The following ARFGEF3 variants were observed in gnomAD, a reference collection of about 807,000 sequenced individuals.
ARFGEF3 encodes the protein ARFGEF family member 3.
ARFGEF3 carries 96 observed loss-of-function variants against 221.7 expected under a neutral mutation model. That is an observed-to-expected ratio of 0.43 (90% CI 0.37 to 0.51). ARFGEF3 has a LOEUF of 0.51. Among genes scored for constraint, ARFGEF3 ranks in the 20% least tolerant of loss-of-function variants. The pLI, the probability that ARFGEF3 is intolerant of heterozygous loss-of-function variation, is 0.00. For missense variants in ARFGEF3, 2,410 were observed against 2,789.9 expected (o/e 0.86, Z 3.07); for synonymous variants, 1,145 against 1,126.8 (o/e 1.02, Z -0.32).
intron 32 of ARFGEF3, among the ~76,000 whole-genome samples, chr6:138,332,409 G>A (rs1159111157): frequency 6.6e-6 from 1 of 152,116 alleles, no homozygotes; most frequent in Non-Finnish European, 1.5e-5. Context: ...ACAAGAAGAT[G>A]AATAAGGTAG....
Position 138,334,708 on chromosome 6 carries a change from C to T in ARFGEF3, c.5862C>T (p.Gly1954=), listed in dbSNP as rs778692995. 29 of 1,610,284 alleles carry T rather than the reference C, an allele frequency of 1.8e-5. No homozygotes were observed. In the South Asian group the frequency reaches 3.0e-4, roughly 16 times the overall value. The part of the protein sequence containing the change: ...QSESSTPSTG[G]FSGKETPSED... The stretch of plus-strand genomic sequence containing the variant: ...AGTCATCCACCCCATCCACCGGGGG[C>T]TTCTCTGGGAAAGAAACCCCTTCCG... The change falls in exon 33 of 34, where the codon GGC becomes GGT. Residue 1954 remains glycine (G), a synonymous_variant. Coordinates refer to ENST00000251691, the MANE Select transcript of ARFGEF3 (RefSeq NM_020340.5). The surrounding 1 kb of genome is among the most constrained non-coding windows in gnomAD (Gnocchi z 5.1).
In ARFGEF3 at chr6:138,166,426, C is replaced by G. The variant is rs1158095711; in HGVS notation, c.86-4236C>G. Among the ~76,000 whole-genome samples the G allele has an allele frequency of 5.9e-5, 9 of 152,318 alleles. No individual in the cohort carries two copies. The East Asian group carries it at 1.3e-3, about 23-fold the overall frequency. ...TGGCATATTGTCATGTGTTTTTTAA[C>G]TTTAGCATCTTCTTCTACTCTGTCT... On this transcript the variant is annotated intron_variant, in intron 1 of 33. Coordinates refer to ENST00000251691, the MANE Select transcript of ARFGEF3 (RefSeq NM_020340.5).
At chr6:138,203,331 G>C (rs923084910) in intron 2 of ARFGEF3, among the ~76,000 whole-genome samples, 2 of 152,202 alleles carry the variant, frequency 1.3e-5, no homozygotes, top group African/African-American at 4.8e-5. Flanking sequence ...CCTTGGGCAG[G>C]CTACAAAACC....
At chr6:138,252,794 G>A (rs183446197) in intron 8 of ARFGEF3, among the ~76,000 whole-genome samples, 4 of 152,250 alleles carry the variant, frequency 2.6e-5, no homozygotes, top group Admixed American at 2.0e-4. Context: ...TCTAAAAAAG[G>A]ATTTATTATA....
At chr6:138,192,756 G>A (rs1418824801) in intron 2 of ARFGEF3, among the ~76,000 whole-genome samples, 1 of 152,164 alleles carries the variant, frequency 6.6e-6, no homozygotes, top group African/African-American at 2.4e-5. Flanking sequence ...GACTAACATA[G>A]CTTCTTATCA....
intron 33 of ARFGEF3, 28 bp downstream of exon 33, chr6:138,335,216 G>A (rs2114701511): frequency 6.7e-7 from 1 of 1,499,534 alleles, no homozygotes; most frequent in Non-Finnish European, 8.8e-7. Context: ...CAGCAGGTGG[G>A]CGGGAGGCTG....
intron 31 of ARFGEF3, among the ~76,000 whole-genome samples, chr6:138,324,897 G>T (rs1001330921): frequency 2.0e-5 from 3 of 152,224 alleles, no homozygotes; most frequent in African/African-American, 7.2e-5. Context: ...AACCCTGGAC[G>T]TGACTCTCAG....
rs1303831690 is a variant in ARFGEF3 at position 138,339,168 on chromosome 6, T to C, written c.*2682T>C. 1 of 152,238 alleles carries C rather than the reference T, an allele frequency of 6.6e-6. No individual in the cohort carries two copies. Among genetic ancestry groups the C allele is most frequent in the East Asian group, 1.9e-4 (1 of 5,204 alleles). The allele number at this position is 152,238 out of a possible 1,614,324, so 9.4% of individuals were successfully genotyped here. A position where few individuals can be genotyped will look rare whatever the true frequency, so the allele number is the denominator to read the frequency against. On this transcript the variant is annotated 3_prime_UTR_variant, in exon 34 of 34. Coordinates refer to ENST00000251691, the MANE Select transcript of ARFGEF3 (RefSeq NM_020340.5). ...AGTACTTCTCAGAGGTATTTGCAGC[T>C]TGATGCAAAGTAGTCTCTAATGAGT...
chr6:138,319,668 T>A, intron 27 of ARFGEF3, 35 bp from the exon 28 acceptor site: 3 of 1,519,580 alleles, frequency 2.0e-6, no homozygotes, highest in Non-Finnish European at 2.7e-6. Flanking sequence ...TCCCTTTTAT[T>A]ACAGGTTGTT....
chr6:138,314,813 T>C (rs958381785), intron 26 of ARFGEF3, among the ~76,000 whole-genome samples: 5 of 152,214 alleles, frequency 3.3e-5, no homozygotes, highest in Admixed American at 2.6e-4. Context: ...GGGGGAAATA[T>C]TCAAACCGTA....
At chr6:138,275,072 A>C (rs1583044036) in intron 12 of ARFGEF3, among the ~76,000 whole-genome samples, 1 of 152,102 alleles carries the variant, frequency 6.6e-6, no homozygotes, top group Non-Finnish European at 1.5e-5. Context: ...GTGCCATTGC[A>C]CTCCAGCCTG....
In ARFGEF3 at chr6:138,178,745, A is replaced by G. The variant is rs371072422; in HGVS notation, c.137+8032A>G. 6.6e-5 allele frequency among the ~76,000 whole-genome samples: 10 copies of G among 152,146 alleles called. No individual in the cohort carries two copies. In the East Asian group the frequency reaches 1.5e-3, roughly 23 times the overall value. On this transcript the variant is annotated intron_variant, in intron 2 of 33. Transcript: ENST00000251691. ...GAAAGCCACTGCCTTCATCTCCTAG[A>G]TTCTTAGAAAATGCAGTATTTGAAA... is the stretch of plus-strand genomic sequence containing the variant.
At position 138,334,307 on chromosome 6, in the gene ARFGEF3, CTGGTGT is replaced by C; in HGVS notation, c.5462_5467del (p.Leu1821_Cys1823delinsArg). 1 of 1,613,864 alleles carries C rather than the reference CTGGTGT, an allele frequency of 6.2e-7. No homozygotes were observed. Among genetic ancestry groups the C allele is most frequent in the Non-Finnish European group, 8.5e-7 (1 of 1,179,854 alleles). On this transcript the variant is annotated inframe_deletion, in exon 33 of 34. Transcript: ENST00000251691. This position sits in a 1 kb window ranked among gnomAD's most constrained non-coding sequence, Gnocchi z 5.1. ...GAGCTTTAACATTTATTTCCACGCC[CTGGTGT>C]GTGCTGTTCTCACCAATCAAGAAAC...
Position 138,307,384 on chromosome 6 carries a change from T to C in ARFGEF3, c.3960T>C (p.Gly1320=), listed in dbSNP as rs746460480. 2.5e-6 allele frequency: 4 copies of C among 1,613,754 alleles called. No homozygotes were observed. The highest frequency in any genetic ancestry group is 2.5e-6 in the Non-Finnish European group (3 of 1,179,736). The change falls in exon 23 of 34, where the codon GGT becomes GGC. Residue 1320 remains glycine (G), a synonymous_variant. Transcript: ENST00000251691. ...NKSEMKEYLV[G]DYSMGKGQAP... ...CAGAGATGAAGGAGTACCTGGTTGG[T>C]GACTACTCCATGGGTAAGAATGTTT...
chr6:138,304,578 A>C (rs1364156382), intron 22 of ARFGEF3, among the ~76,000 whole-genome samples: 2 of 152,246 alleles, frequency 1.3e-5, no homozygotes, highest in African/African-American at 4.8e-5. Flanking sequence ...GACAAGGTAT[A>C]TCACGTGAAT....
intron 2 of ARFGEF3, among the ~76,000 whole-genome samples, chr6:138,194,888 TA>T (rs1354308021): frequency 1.3e-5 from 2 of 151,506 alleles, no homozygotes; most frequent in South Asian, 4.2e-4. Context: ...TTGAGGCCAT[TA>T]AGGGAAACAG....
At chr6:138,276,773 C>A (rs1454527581) in intron 12 of ARFGEF3, among the ~76,000 whole-genome samples, 1 of 152,176 alleles carries the variant, frequency 6.6e-6, no homozygotes, top group Non-Finnish European at 1.5e-5. Context: ...TCCAGCAATT[C>A]TCATTCCTCA....
chr6:138,299,813 C>G (rs1441182762), intron 22 of ARFGEF3, among the ~76,000 whole-genome samples: 1 of 152,176 alleles, frequency 6.6e-6, no homozygotes, highest in Non-Finnish European at 1.5e-5. Flanking sequence ...ATACTATCAG[C>G]TTGTTTCTAA....
intron 25 of ARFGEF3, among the ~76,000 whole-genome samples, chr6:138,313,540 A>G (rs1435499676): frequency 6.6e-6 from 1 of 152,240 alleles, no homozygotes; most frequent in Admixed American, 6.5e-5. Flanking sequence ...TATGTAATTA[A>G]GATACTGAAC....
Sources: allele counts gnomAD v4.1 joint callset (sites outside exome capture counted in the v4.1 genomes callset), GRCh38; gene constraint gnomAD v4.1.1; non-coding constraint Gnocchi (gnomAD v3.1); transcripts MANE v1.5; gene names NCBI Gene and HGNC (gene_info 2026-07-23, HGNC 2026-07-21).